Variants in MEIKIN observed in about 807,000 individuals in gnomAD.
MEIKIN encodes the protein meiosis-specific kinetochore protein.
chr5:131,909,770 G>A (rs1751302874), intron 8 of MEIKIN, among the ~76,000 whole-genome samples: 1 of 152,110 alleles, frequency 6.6e-6, no homozygotes, highest in Admixed American at 6.6e-5. Flanking sequence ...GACCTAAACA[G>A]ACATTTCTCA....
chr5:131,864,041 T>A (rs1231115101), intron 9 of MEIKIN, among the ~76,000 whole-genome samples: 2 of 152,140 alleles, frequency 1.3e-5, no homozygotes, highest in Non-Finnish European at 1.5e-5. Flanking sequence ...TTCCTTTGAG[T>A]CTCTATTTTT....
At chr5:131,842,434 C>T (rs900526825) in intron 11 of MEIKIN, among the ~76,000 whole-genome samples, 2 of 152,152 alleles carry the variant, frequency 1.3e-5, no homozygotes, top group Middle Eastern at 3.4e-3. Context: ...TAGTTGTGGG[C>T]TTATCATTAA....
chr5:131,841,058 G>C (rs1052270444), intron 11 of MEIKIN, among the ~76,000 whole-genome samples: 1 of 152,048 alleles, frequency 6.6e-6, no homozygotes, highest in Non-Finnish European at 1.5e-5. Context: ...AGGTTTGATT[G>C]TGGTATAATG....
chr5:131,871,819 G>A (rs1207233326), intron 9 of MEIKIN, among the ~76,000 whole-genome samples: 3 of 152,116 alleles, frequency 2.0e-5, no homozygotes, highest in Non-Finnish European at 2.9e-5. Context: ...GAACGATCAG[G>A]CAGCAGCATT....
intron 6 of MEIKIN, among the ~76,000 whole-genome samples, chr5:131,917,835 C>G (rs1021723803): frequency 1.3e-5 from 2 of 152,278 alleles, no homozygotes; most frequent in Middle Eastern, 3.4e-3. Flanking sequence ...TGGATGATGC[C>G]TTTAAGCATT....
intron 11 of MEIKIN, among the ~76,000 whole-genome samples, chr5:131,850,975 G>C (rs921954223): frequency 3.3e-5 from 5 of 151,976 alleles, no homozygotes; most frequent in East Asian, 3.9e-4. Flanking sequence ...AAAAGAAAAA[G>C]GCAAAAAGCT....
At chr5:131,868,239 A>C (rs149590915) in intron 9 of MEIKIN, among the ~76,000 whole-genome samples, 1 of 152,138 alleles carries the variant, frequency 6.6e-6, no homozygotes, top group African/African-American at 2.4e-5. Flanking sequence ...ACAGGCCTGC[A>C]GCACCATGCC....
intron 11 of MEIKIN, among the ~76,000 whole-genome samples, chr5:131,833,205 A>T (rs1749743753): frequency 6.6e-6 from 1 of 152,136 alleles, no homozygotes; most frequent in Admixed American, 6.5e-5. Flanking sequence ...TCTGCCAGAT[A>T]CCCTAAATCA....
At chr5:131,885,361 G>C (rs1294982436) in intron 8 of MEIKIN, among the ~76,000 whole-genome samples, 1 of 21,488 alleles carries the variant, frequency 4.7e-5, no homozygotes, top group Non-Finnish European at 1.2e-4. Context: ...GAGAGAGAGA[G>C]AGAGAGAGAG....
At chr5:131,826,402 A>G (rs1028571468) in intron 11 of MEIKIN, among the ~76,000 whole-genome samples, 4 of 152,238 alleles carry the variant, frequency 2.6e-5, no homozygotes, top group African/African-American at 9.6e-5. Context: ...AAAATACTGT[A>G]AAACAAAAAT....
intron 11 of MEIKIN, among the ~76,000 whole-genome samples, chr5:131,846,269 C>T (rs1021899156): frequency 6.6e-6 from 1 of 152,060 alleles, no homozygotes; most frequent in Non-Finnish European, 1.5e-5. Flanking sequence ...GCAAGAAATG[C>T]TTAAGGGAGT....
At chr5:131,820,930 C>T (rs969282128) in intron 11 of MEIKIN, among the ~76,000 whole-genome samples, 1 of 151,966 alleles carries the variant, frequency 6.6e-6, no homozygotes, top group Non-Finnish European at 1.5e-5. Flanking sequence ...GATTTGTCAA[C>T]TTTGTTTATC....
At chr5:131,839,896 G>GTTATCT (rs1357100369) in intron 11 of MEIKIN, among the ~76,000 whole-genome samples, 1 of 152,168 alleles carries the variant, frequency 6.6e-6, no homozygotes, top group Non-Finnish European at 1.5e-5. Context: ...TCATCATGAT[G>GTTATCT]TTATCTGGTT....
chr5:131,906,175 A>G (rs543944836), intron 8 of MEIKIN, among the ~76,000 whole-genome samples: 1 of 152,320 alleles, frequency 6.6e-6, no homozygotes, highest in East Asian at 1.9e-4. Context: ...CAAATTTATA[A>G]GCAAAGAACC....
intron 8 of MEIKIN, among the ~76,000 whole-genome samples, chr5:131,909,068 T>C (rs977876036): frequency 6.6e-6 from 1 of 151,942 alleles, no homozygotes; most frequent in Non-Finnish European, 1.5e-5. Context: ...ACAAATAAAG[T>C]ACTAAAATCT....
At chr5:131,942,430 T>A (rs1473964083) in intron 4 of MEIKIN, among the ~76,000 whole-genome samples, 1 of 152,244 alleles carries the variant, frequency 6.6e-6, no homozygotes, top group Non-Finnish European at 1.5e-5. Context: ...TCTTTTACAG[T>A]ACTTATCACA....
chr5:131,858,028 A>G (rs1750224804), intron 9 of MEIKIN, among the ~76,000 whole-genome samples: 1 of 152,198 alleles, frequency 6.6e-6, no homozygotes, highest in African/African-American at 2.4e-5. Context: ...CTGCCTGAGG[A>G]AAGGCACTGG....
intron 4 of MEIKIN, among the ~76,000 whole-genome samples, chr5:131,934,650 C>T (rs545319197): frequency 2.0e-5 from 3 of 152,086 alleles, no homozygotes; most frequent in Non-Finnish European, 4.4e-5. Context: ...ACTGTAACAC[C>T]GAGTTATGCA....
At chr5:131,885,418 A>G (rs1054723007) in intron 8 of MEIKIN, among the ~76,000 whole-genome samples, 28 of 93,642 alleles carry the variant, frequency 3.0e-4, no homozygotes, top group Non-Finnish European at 5.4e-4. Flanking sequence ...AGAGAGAGAG[A>G]GAGAGATTGA....
Sources: allele counts gnomAD v4.1 joint callset (sites outside exome capture counted in the v4.1 genomes callset), GRCh38; gene constraint gnomAD v4.1.1; transcripts MANE v1.5; gene names NCBI Gene and HGNC (gene_info 2026-07-23, HGNC 2026-07-21).